The following SH2D4B variants were observed in gnomAD, a reference collection of about 807,000 sequenced individuals.
SH2D4B encodes SH2 domain containing 4B, also known as SH2 domain-containing protein 4B.
In SH2D4B, 45 loss-of-function variants were observed where a neutral mutation model predicts 61.5. The observed-to-expected ratio is 0.73, with a 90% CI of 0.58 to 0.94. The LOEUF is 0.94. Among genes scored for constraint, SH2D4B ranks in the 40% least tolerant of loss-of-function variants. The probability of loss-of-function intolerance (pLI) is 0.00; values close to 1 mark genes in which losing one functional copy is unlikely to be tolerated. For missense variants in SH2D4B, 572 were observed against 574.2 expected (o/e 1.00, Z 0.04); for synonymous variants, 224 against 220.4 (o/e 1.02, Z -0.14).
chr10:80,578,367 G>A (rs1000793393), intron 3 of SH2D4B, among the ~76,000 whole-genome samples: 3 of 151,946 alleles, frequency 2.0e-5, no homozygotes, highest in African/African-American at 7.3e-5. Context: ...TGTTTGTTGT[G>A]GGGGAGGAGG....
chr10:80,557,446 G>A (rs952350162), intron 1 of SH2D4B, among the ~76,000 whole-genome samples: 1 of 151,890 alleles, frequency 6.6e-6, no homozygotes, highest in African/African-American at 2.4e-5. Flanking sequence ...GTATGCATTT[G>A]GTATTATTTC....
intron 4 of SH2D4B, among the ~76,000 whole-genome samples, chr10:80,592,957 G>A (rs922234633): frequency 5.3e-5 from 8 of 151,820 alleles, no homozygotes; most frequent in Non-Finnish European, 1.2e-4. Flanking sequence ...GAGCTTAAAC[G>A]ATCTGCCTGC....
chr10:80,538,260 C>A lies in SH2D4B; in HGVS notation c.-72C>A. The A allele has an allele frequency of 8.1e-7, 1 of 1,234,032 alleles. No homozygotes were observed. Among genetic ancestry groups the A allele is most frequent in the Non-Finnish European group, 1.0e-6 (1 of 961,802 alleles). 76.4% of individuals were successfully genotyped at this position (1,234,032 alleles called of 1,614,324 possible). A position where few individuals can be genotyped will look rare whatever the true frequency, so the allele number is the denominator to read the frequency against. On this transcript the variant is annotated 5_prime_UTR_variant, in exon 1 of 8. Transcript: ENST00000646907. The surrounding 1 kb of genome is among the most constrained non-coding windows in gnomAD (Gnocchi z 4.8). Reference sequence around the variant, plus strand: ...TGAGCAGTCCGTAGTGCAGAGCAGCCCCTCGGGCGTTCTGCCTGGCCCTGC... The same window carrying A: ...TGAGCAGTCCGTAGTGCAGAGCAGCACCTCGGGCGTTCTGCCTGGCCCTGC...
chr10:80,631,504 C>A (rs1842833936), intron 6 of SH2D4B, among the ~76,000 whole-genome samples: 1 of 152,230 alleles, frequency 6.6e-6, no homozygotes. Flanking sequence ...CCACCTTGGC[C>A]TACTAAAGTG....
At chr10:80,543,547 C>G (rs1259534977) in intron 1 of SH2D4B, among the ~76,000 whole-genome samples, 2 of 152,196 alleles carry the variant, frequency 1.3e-5, no homozygotes, top group Non-Finnish European at 2.9e-5. Flanking sequence ...AGCGCCACCC[C>G]CTGCTCCACG....
chr10:80,552,923 T>C (rs61337593), intron 1 of SH2D4B, among the ~76,000 whole-genome samples: 3 of 144,096 alleles, frequency 2.1e-5, no homozygotes, highest in African/African-American at 5.8e-5. Context: ...CTCTCTCTCT[T>C]TCTTTCTTTG....
intron 1 of SH2D4B, among the ~76,000 whole-genome samples, chr10:80,569,086 C>T (rs146921918): frequency 9.7e-4 from 148 of 152,326 alleles, no homozygotes; most frequent in African/African-American, 3.1e-3. Context: ...CTGTAATCAG[C>T]GGAATCTGCT....
chr10:80,552,001 T>C (rs1160784175), intron 1 of SH2D4B, among the ~76,000 whole-genome samples: 1 of 152,164 alleles, frequency 6.6e-6, no homozygotes, highest in Non-Finnish European at 1.5e-5. Flanking sequence ...GGAAAGAAAG[T>C]GTGCTAGCTC....
chr10:80,565,143 T>C (rs1284632000), intron 1 of SH2D4B, among the ~76,000 whole-genome samples: 1 of 152,244 alleles, frequency 6.6e-6, no homozygotes, highest in Non-Finnish European at 1.5e-5. Flanking sequence ...TACAGGCTGA[T>C]ACTCCTAAGT....
intron 3 of SH2D4B, among the ~76,000 whole-genome samples, chr10:80,582,388 A>G (rs182918592): frequency 7.1e-4 from 108 of 152,308 alleles, no homozygotes; most frequent in African/African-American, 2.3e-3. Flanking sequence ...GTCACATAAA[A>G]TCAGCCTTTT....
chr10:80,621,164 T>G (rs1842714644), intron 6 of SH2D4B, among the ~76,000 whole-genome samples: 1 of 152,212 alleles, frequency 6.6e-6, no homozygotes, highest in Non-Finnish European at 1.5e-5. Context: ...CAGGGGACAT[T>G]TGACAATATC....
At position 80,563,804 on chromosome 10, in the gene SH2D4B, C is replaced by T. The variant is rs1265250176; in HGVS notation, c.185-6350C>T. Among the ~76,000 whole-genome samples, 4 of 152,116 alleles carry T rather than the reference C, an allele frequency of 2.6e-5. No homozygotes were observed. In the East Asian group the frequency reaches 7.7e-4, roughly 29 times the overall value. On this transcript the variant is annotated intron_variant, in intron 1 of 7. Transcript: ENST00000646907. ...TGTCCTAAAGGATGCATTATATGTG[C>T]TGAGTTAACTCTCCCACAAGGCATA...
At chr10:80,629,967 G>C (rs1842811493) in intron 6 of SH2D4B, among the ~76,000 whole-genome samples, 1 of 152,194 alleles carries the variant, frequency 6.6e-6, no homozygotes, top group African/African-American at 2.4e-5. Context: ...TGAGTTGTCT[G>C]TGTCCGTCAG....
intron 1 of SH2D4B, among the ~76,000 whole-genome samples, chr10:80,548,729 AT>A (rs1472059830): frequency 1.3e-5 from 2 of 152,128 alleles, no homozygotes; most frequent in South Asian, 4.1e-4. Flanking sequence ...CTGCTGGCAG[AT>A]CCCCTTGGAA....
chr10:80,613,152 T>A (rs896075088), intron 6 of SH2D4B, among the ~76,000 whole-genome samples: 1 of 152,216 alleles, frequency 6.6e-6, no homozygotes, highest in Non-Finnish European at 1.5e-5. Context: ...GGCTTTTCTC[T>A]GGGACCACAG....
intron 1 of SH2D4B, among the ~76,000 whole-genome samples, chr10:80,553,304 A>T (rs1022010586): frequency 2.0e-5 from 3 of 152,220 alleles, no homozygotes; most frequent in Admixed American, 6.5e-5. Flanking sequence ...AAACTGTGAG[A>T]TGCTAAAGAT....
chr10:80,570,508 C>T (rs1490433133), intron 2 of SH2D4B, among the ~76,000 whole-genome samples, 192 bp downstream of exon 2: 1 of 152,202 alleles, frequency 6.6e-6, no homozygotes, highest in East Asian at 1.9e-4. Flanking sequence ...GCGTGAGCCA[C>T]CACACCCAGC....
intron 1 of SH2D4B, among the ~76,000 whole-genome samples, chr10:80,567,089 C>T (rs948266042): frequency 1.3e-5 from 2 of 152,088 alleles, no homozygotes; most frequent in African/African-American, 4.8e-5. Context: ...GGCTTGCTTT[C>T]GAATATTGGA....
intron 1 of SH2D4B, among the ~76,000 whole-genome samples, chr10:80,546,067 C>CTTTTT (rs1841676567): frequency 8.0e-6 from 1 of 125,376 alleles, no homozygotes; most frequent in African/African-American, 3.0e-5. Context: ...TTTTTTTAGA[C>CTTTTT]AAGGTCTTGC....
Sources: allele counts gnomAD v4.1 joint callset (sites outside exome capture counted in the v4.1 genomes callset), GRCh38; gene constraint gnomAD v4.1.1; non-coding constraint Gnocchi (gnomAD v3.1); transcripts MANE v1.5; gene names NCBI Gene and HGNC (gene_info 2026-07-23, HGNC 2026-07-21).